MOB3B: variants seen among roughly 807,000 people sequenced by gnomAD.
The protein encoded by MOB3B is MOB kinase activator 3B, also known as MOB kinase activator-like 2B.
A neutral mutation model predicts 18.7 loss-of-function variants in MOB3B; 7 were observed. That is an observed-to-expected ratio of 0.37 (90% CI 0.21 to 0.70). The LOEUF (loss-of-function observed/expected upper bound fraction) is 0.70. MOB3B is among the 30% of genes least tolerant of loss of function. The pLI, the probability that MOB3B is intolerant of heterozygous loss-of-function variation, is 0.52. For missense variants in MOB3B, 253 were observed against 281.3 expected, an observed-to-expected ratio of 0.90 and a Z score of 0.72; for synonymous variants, 111 against 99.9, an observed-to-expected ratio of 1.11 and a Z score of -0.66.
chr9:27,482,642 G>A (rs946217862), intron 1 of MOB3B, among the ~76,000 whole-genome samples: 3 of 151,008 alleles, frequency 2.0e-5, no homozygotes, highest in Non-Finnish European at 2.9e-5. Context: ...ACCATTGCCC[G>A]TGCTGGTGGC....
intron 2 of MOB3B, among the ~76,000 whole-genome samples, chr9:27,395,303 A>C (rs1194763108): frequency 6.6e-6 from 1 of 152,208 alleles, no homozygotes. Flanking sequence ...CTAGATTGTA[A>C]ATGTTCTCAC....
intron 1 of MOB3B, among the ~76,000 whole-genome samples, chr9:27,511,594 T>TA (rs75119168): frequency 1.4e-4 from 22 of 152,274 alleles, no homozygotes; most frequent in African/African-American, 3.6e-4. Flanking sequence ...ATGTTTTTTT[T>TA]AAAAAAAATA....
chr9:27,502,431 T>A (rs964514325), intron 1 of MOB3B, among the ~76,000 whole-genome samples: 1 of 152,256 alleles, frequency 6.6e-6, no homozygotes, highest in Admixed American at 6.5e-5. Flanking sequence ...CATCCTGTAC[T>A]TAGCATTTTA....
At chr9:27,391,812 T>C (rs1040130947) in intron 2 of MOB3B, 1 of 152,234 alleles carries the variant, frequency 6.6e-6, no homozygotes, top group African/African-American at 2.4e-5. Context: ...AGAATGCTTT[T>C]CTTCGAAGAG....
At chr9:27,472,203 T>G (rs1819482701) in intron 1 of MOB3B, among the ~76,000 whole-genome samples, 1 of 152,060 alleles carries the variant, frequency 6.6e-6, no homozygotes, top group South Asian at 2.1e-4. Flanking sequence ...TTTGGGTAGT[T>G]TATTTGTTTT....
At chr9:27,347,209 T>C (rs1437433368) in intron 3 of MOB3B, among the ~76,000 whole-genome samples, 1 of 152,224 alleles carries the variant, frequency 6.6e-6, no homozygotes, top group Non-Finnish European at 1.5e-5. Context: ...ATGTTGCAGC[T>C]CAGGTTAGGT....
intron 2 of MOB3B, among the ~76,000 whole-genome samples, chr9:27,401,935 C>G (rs1025436355): frequency 2.6e-5 from 4 of 152,138 alleles, no homozygotes; most frequent in Admixed American, 1.3e-4. Context: ...TTTTTCTGGT[C>G]TCTTCCAACA....
In MOB3B at chr9:27,329,608, C is replaced by T. The variant is rs1016610078; in HGVS notation, c.*979G>A. On this transcript the variant is annotated 3_prime_UTR_variant, in exon 4 of 4. Transcript: ENST00000262244. ...CAGCCGTCTGGGTGTTAAATCTACACGTACCAAATAACCAATTGTACTTTT... is the reference window on the plus strand; with the variant it reads ...CAGCCGTCTGGGTGTTAAATCTACATGTACCAAATAACCAATTGTACTTTT... 2.0e-5 allele frequency: 3 copies of T among 152,520 alleles called. No homozygotes were observed. Among genetic ancestry groups the T allele is most frequent in the Non-Finnish European group, 2.9e-5 (2 of 68,018 alleles). The allele number at this position is 152,520 out of a possible 1,614,324, so 9.4% of individuals were successfully genotyped here. A position where few individuals can be genotyped will look rare whatever the true frequency, so the allele number is the denominator to read the frequency against.
At chr9:27,359,389 G>A (rs974151386) in intron 2 of MOB3B, among the ~76,000 whole-genome samples, 153 bp from the exon 3 acceptor site, 1 of 150,422 alleles carries the variant, frequency 6.6e-6, no homozygotes, top group Non-Finnish European at 1.5e-5. Flanking sequence ...GGGGGGGGGG[G>A]GTTGGTAGCA....
chr9:27,483,187 T>A (rs1427895406), intron 1 of MOB3B, among the ~76,000 whole-genome samples: 2 of 138,870 alleles, frequency 1.4e-5, no homozygotes, highest in African/African-American at 2.6e-5. Flanking sequence ...GGCTGGAGTG[T>A]AGTGGCGCCA....
intron 2 of MOB3B, among the ~76,000 whole-genome samples, chr9:27,366,472 C>T (rs1821343766): frequency 6.6e-6 from 1 of 152,140 alleles, no homozygotes; most frequent in Non-Finnish European, 1.5e-5. Flanking sequence ...TTTTCAGGCA[C>T]CTCTGAAAGA....
At chr9:27,476,389 T>C (rs1019780697) in intron 1 of MOB3B, among the ~76,000 whole-genome samples, 1 of 152,180 alleles carries the variant, frequency 6.6e-6, no homozygotes, top group African/African-American at 2.4e-5. Context: ...CAGTGTTCCT[T>C]GGCTTGTAGA....
intron 2 of MOB3B, among the ~76,000 whole-genome samples, chr9:27,367,482 A>G (rs1821356775): frequency 6.6e-6 from 1 of 152,218 alleles, no homozygotes; most frequent in Admixed American, 6.5e-5. Context: ...CCTCAATCCC[A>G]TTTATGATTC....
intron 1 of MOB3B, among the ~76,000 whole-genome samples, chr9:27,509,715 C>A (rs1019859464): frequency 1.3e-5 from 2 of 151,626 alleles, no homozygotes; most frequent in Non-Finnish European, 2.9e-5. Flanking sequence ...CCATGCCTGG[C>A]CTGTTTTTTG....
intron 2 of MOB3B, among the ~76,000 whole-genome samples, chr9:27,423,182 A>G (rs1261953791): frequency 6.6e-6 from 1 of 152,186 alleles, no homozygotes; most frequent in Non-Finnish European, 1.5e-5. Context: ...ATTTTACTAC[A>G]TTGGGCTTCA....
chr9:27,372,832 G>A (rs576171812), intron 2 of MOB3B, among the ~76,000 whole-genome samples: 1 of 152,292 alleles, frequency 6.6e-6, no homozygotes, highest in South Asian at 2.1e-4. Context: ...AAGGGCATTA[G>A]GGAAAAACTG....
intron 1 of MOB3B, among the ~76,000 whole-genome samples, chr9:27,478,520 T>C (rs1057358963): frequency 2.6e-5 from 4 of 151,966 alleles, no homozygotes; most frequent in Admixed American, 1.3e-4. Context: ...ACATGTTAAA[T>C]TGCATATTAG....
At chr9:27,414,130 G>A (rs899721865) in intron 2 of MOB3B, among the ~76,000 whole-genome samples, 1 of 152,202 alleles carries the variant, frequency 6.6e-6, no homozygotes, top group South Asian at 2.1e-4. Flanking sequence ...TCTGACGGCT[G>A]CTTCCCCAGG....
At chr9:27,436,242 T>A (rs975615573) in intron 2 of MOB3B, among the ~76,000 whole-genome samples, 4 of 152,246 alleles carry the variant, frequency 2.6e-5, no homozygotes, top group African/African-American at 9.6e-5. Flanking sequence ...TGCATTTTCC[T>A]CTGTTAAACT....
Sources: allele counts gnomAD v4.1 joint callset (sites outside exome capture counted in the v4.1 genomes callset), GRCh38; gene constraint gnomAD v4.1.1; transcripts MANE v1.5; gene names NCBI Gene and HGNC (gene_info 2026-07-23, HGNC 2026-07-21).